The following DNAH5 variants were observed in gnomAD, a reference collection of about 807,000 sequenced individuals.
DNAH5 encodes the protein axonemal beta dynein heavy chain 5.
A neutral mutation model predicts 518.2 loss-of-function variants in DNAH5; 372 were observed. That is an observed-to-expected ratio of 0.72 (90% CI 0.66 to 0.78). The LOEUF (loss-of-function observed/expected upper bound fraction) is 0.78, where lower values mean the gene tolerates loss of function less well. Ranked by LOEUF, DNAH5 falls within the 30% of genes least tolerant of loss-of-function variation. The pLI is 0.00. For synonymous variants in DNAH5, 2,039 were observed against 2,025.9 expected, an observed-to-expected ratio of 1.01 and a Z score of -0.17; for missense variants, 5,523 against 5,687.0, an observed-to-expected ratio of 0.97 and a Z score of 0.93.
chr5:13,890,751 C>T lies in DNAH5; in HGVS notation c.2577+225G>A, dbSNP rs566126850. ...AGTGTGTTCTATGGCAATTTCTCTC[C>T]TACTGATCTGAAATGATGTGTTCCC... On this transcript the variant is annotated intron_variant, in intron 17 of 78. Coordinates refer to ENST00000265104, the MANE Select transcript of DNAH5 (RefSeq NM_001369.3). Among the ~76,000 whole-genome samples, 17 of 152,308 alleles carry T rather than the reference C, an allele frequency of 1.1e-4. No homozygotes were observed. The Middle Eastern group carries it at 0.01, about 91-fold the overall frequency.
chr5:13,972,259 C>T (rs191116514), intron 1 of DNAH5, among the ~76,000 whole-genome samples: 34 of 152,296 alleles, frequency 2.2e-4, no homozygotes, highest in African/African-American at 6.7e-4. Context: ...GTTGAGAAAG[C>T]AAGCAGGGCT....
At position 13,891,083 on chromosome 5, in the gene DNAH5, T is replaced by A. The variant is rs761919040; in HGVS notation, c.2470A>T (p.Ile824Phe). Residue 824 changes from isoleucine (I) to phenylalanine (F), a missense_variant, in exon 17 of 79, where the codon ATT becomes TTT. Ile to Phe is a conservative substitution (Grantham distance 21, BLOSUM62 0). Coordinates refer to ENST00000265104, the MANE Select transcript of DNAH5 (RefSeq NM_001369.3). ...AGAATGGCATCAATGCGGAACTCAA[T>A]CAAATCATTGACCCTGTCAAGCAGC... ...ELLLDRVNDL[I>F]EFRIDAILEE... 1 of 1,614,118 alleles carries A rather than the reference T, an allele frequency of 6.2e-7. No individual in the cohort carries two copies. The highest frequency in any genetic ancestry group is 1.1e-5 in the South Asian group (1 of 91,086).
chr5:13,850,575 T>G, intron 31 of DNAH5, 77 bp downstream of exon 31: 2 of 1,295,254 alleles, frequency 1.5e-6, no homozygotes, highest in Non-Finnish European at 2.2e-6. Flanking sequence ...AAAACAAATT[T>G]GGCTAATGCT....
intron 38 of DNAH5, among the ~76,000 whole-genome samples, chr5:13,826,460 A>C (rs1384770035): frequency 6.6e-6 from 1 of 152,204 alleles, no homozygotes; most frequent in African/African-American, 2.4e-5. Flanking sequence ...GAGGTAATGA[A>C]TCATGGGGGT....
Position 13,942,663 on chromosome 5 carries a change from CT to C in DNAH5, c.57+1718del, listed in dbSNP as rs199819211. Among the ~76,000 whole-genome samples the C allele has an allele frequency of 5.3e-5, 8 of 152,282 alleles. No homozygotes were observed. The South Asian group carries it at 1.5e-3, about 28-fold the overall frequency. ...ATCCCCCACGTGCTGTCTCATCCCC[CT>C]GGCCTTTCTTCAGCAAGAATCCTGG... On this transcript the variant is annotated intron_variant, in intron 1 of 78. Coordinates refer to ENST00000265104, the MANE Select transcript of DNAH5 (RefSeq NM_001369.3).
Position 13,844,686 on chromosome 5 carries a change from T to C in DNAH5, c.5271+151A>G, listed in dbSNP as rs964052354. On this transcript the variant is annotated intron_variant, in intron 32 of 78. Coordinates refer to ENST00000265104, the MANE Select transcript of DNAH5 (RefSeq NM_001369.3). ...GAAATTACACAGTTCTGAAGGTAAATTGGGCCCCGAGATTTGTTTTTAGTC... is the reference window on the plus strand; with the variant it reads ...GAAATTACACAGTTCTGAAGGTAAACTGGGCCCCGAGATTTGTTTTTAGTC... 16 of 931,154 alleles carry C rather than the reference T, an allele frequency of 1.7e-5. No individual in the cohort carries two copies. In the Admixed American group the frequency reaches 2.1e-4, roughly 12 times the overall value. The allele number at this position is 931,154 out of a possible 1,614,324, so 57.7% of individuals were successfully genotyped here.
intron 38 of DNAH5, among the ~76,000 whole-genome samples, chr5:13,826,790 C>T (rs575489363): frequency 6.6e-6 from 1 of 152,244 alleles, no homozygotes; most frequent in Non-Finnish European, 1.5e-5. Flanking sequence ...AATGTGGAAG[C>T]AACTTTGGAA....
At chr5:13,993,407 AAAAGGGGACCCAAT>A (rs1194850933) in intron 1 of DNAH5, among the ~76,000 whole-genome samples, 1 of 152,238 alleles carries the variant, frequency 6.6e-6, no homozygotes, top group African/African-American at 2.4e-5. Flanking sequence ...CAAGCCTGAG[AAAAGGGGACCCAAT>A]ACCCAAAGAT....
rs1180748036 is a variant in DNAH5 at position 13,752,181 on chromosome 5, C to T, written c.10981G>A (p.Asp3661Asn). Reference sequence around the variant, plus strand: ...ATGAAGTTTCTTTCCAAAACATTATCTAGTGCTGGATCTAGTTCCTCTCCA... The same window carrying T: ...ATGAAGTTTCTTTCCAAAACATTATTTAGTGCTGGATCTAGTTCCTCTCCA... ...DVGEELDPAL[D>N]NVLERNFIKT... is the part of the protein sequence containing the mutation. Residue 3661 changes from aspartate (D) to asparagine (N), a missense_variant, in exon 64 of 79, where the codon GAT (aspartate) becomes AAT (asparagine). Asp to Asn is a conservative substitution (Grantham distance 23). Transcript: ENST00000265104. 6.2e-7 allele frequency: 1 copy of T among 1,614,004 alleles called. No homozygotes were observed. Among genetic ancestry groups the T allele is most frequent in the South Asian group, 1.1e-5 (1 of 91,082 alleles).
chr5:13,842,810 C>T (rs1765469500), intron 32 of DNAH5, among the ~76,000 whole-genome samples: 1 of 152,142 alleles, frequency 6.6e-6, no homozygotes, highest in African/African-American at 2.4e-5. Flanking sequence ...CCAAAATCTG[C>T]CCCCGATTGT....
intron 76 of DNAH5, among the ~76,000 whole-genome samples, chr5:13,703,495 A>T (rs1742397244): frequency 6.6e-6 from 1 of 152,180 alleles, no homozygotes; most frequent in African/African-American, 2.4e-5. Flanking sequence ...TACTTTCATT[A>T]ATCATTCTAG....
chr5:13,792,159 A>G lies in DNAH5; in HGVS notation c.8283T>C (p.Asp2761=). 6.2e-7 allele frequency: 1 copy of G among 1,613,980 alleles called. No individual in the cohort carries two copies. The highest frequency in any genetic ancestry group is 8.5e-7 in the Non-Finnish European group (1 of 1,179,960). Residue 2761 remains aspartate, a synonymous_variant, in exon 50 of 79, where the codon GAT becomes GAC. Coordinates refer to ENST00000265104, the MANE Select transcript of DNAH5 (RefSeq NM_001369.3). ...TQRGFSEEVR[D]SVTKLVPLTR... is the part of the protein sequence containing the mutation. ...TCAGAGGCACCAATTTTGTCACAGA[A>G]TCTCTCACTTCTTCTGAGAAACCCC...
At chr5:13,799,884 T>C (rs1327390962) in intron 47 of DNAH5, among the ~76,000 whole-genome samples, 1 of 152,170 alleles carries the variant, frequency 6.6e-6, no homozygotes, top group Non-Finnish European at 1.5e-5. Flanking sequence ...TGTATGTATG[T>C]GTGTATTTAT....
At chr5:13,885,750 G>T (rs914429351) in intron 18 of DNAH5, among the ~76,000 whole-genome samples, 1 of 152,150 alleles carries the variant, frequency 6.6e-6, no homozygotes, top group Non-Finnish European at 1.5e-5. Context: ...AATGCAAAGT[G>T]CATGTTTGCA....
At chr5:13,865,433 C>T (rs1219622482) in intron 27 of DNAH5, among the ~76,000 whole-genome samples, 1 of 152,202 alleles carries the variant, frequency 6.6e-6, no homozygotes, top group Non-Finnish European at 1.5e-5. Context: ...TCCCACCAAG[C>T]TGCAGAAAAG....
chr5:13,917,050 A>T, intron 8 of DNAH5, 93 bp downstream of exon 8: 1 of 972,638 alleles, frequency 1.0e-6, no homozygotes, highest in Admixed American at 1.9e-5. Flanking sequence ...TTTCCAATGA[A>T]CTGTAATATT....
chr5:13,872,227 G>C (rs1036865269), intron 22 of DNAH5, among the ~76,000 whole-genome samples: 1 of 152,172 alleles, frequency 6.6e-6, no homozygotes, highest in Admixed American at 6.5e-5. Context: ...CTGACATGTT[G>C]CCTAAGGTCA....
intron 18 of DNAH5, 21 bp from the exon 19 acceptor site, chr5:13,885,249 TA>T: frequency 6.2e-7 from 1 of 1,612,980 alleles, no homozygotes; most frequent in Non-Finnish European, 8.5e-7. Flanking sequence ...ATGAAAGAGA[TA>T]GAGATAGAGA....
intron 53 of DNAH5, among the ~76,000 whole-genome samples, chr5:13,778,602 G>A (rs1050284302): frequency 1.9e-4 from 28 of 150,792 alleles, no homozygotes; most frequent in African/African-American, 4.9e-4. Flanking sequence ...AAGAAAGAGA[G>A]AGAGAAAGAA....
Sources: allele counts gnomAD v4.1 joint callset (sites outside exome capture counted in the v4.1 genomes callset), GRCh38; gene constraint gnomAD v4.1.1; transcripts MANE v1.5; gene names NCBI Gene and HGNC (gene_info 2026-07-23, HGNC 2026-07-21).